Variants in ETNPPL observed in about 807,000 individuals in gnomAD.
ETNPPL encodes the protein ethanolamine-phosphate phospho-lyase, also known as alanine--glyoxylate aminotransferase 2-like 1.
ETNPPL carries 30 observed loss-of-function variants against 55.5 expected under a neutral mutation model. The ratio of observed to expected loss-of-function variants is 0.54; its 90% CI spans 0.40 to 0.73. ETNPPL has a LOEUF of 0.73. ETNPPL is among the 30% of genes least tolerant of loss of function. The probability of loss-of-function intolerance (pLI) is 0.00; values close to 1 mark genes in which losing one functional copy is unlikely to be tolerated. For synonymous variants in ETNPPL, 202 were observed against 207.2 expected, an observed-to-expected ratio of 0.98 and a Z score of 0.21; for missense variants, 528 against 607.9, an observed-to-expected ratio of 0.87 and a Z score of 1.38.
intron 12 of ETNPPL, among the ~76,000 whole-genome samples, chr4:108,743,153 C>T (rs1290246139): frequency 2.0e-5 from 3 of 152,178 alleles, no homozygotes; most frequent in Admixed American, 2.0e-4. Flanking sequence ...TTCCTTTATG[C>T]ATCGAACTCA....
chr4:108,760,125 G>A (rs925028967), intron 2 of ETNPPL, 63 bp downstream of exon 2: 20 of 1,265,734 alleles, frequency 1.6e-5, no homozygotes, highest in Non-Finnish European at 2.2e-5. Context: ...AAAATTAAGT[G>A]TTCCAAGTCA....
intron 11 of ETNPPL, 135 bp from the exon 12 acceptor site, chr4:108,743,991 T>G: frequency 1.6e-6 from 1 of 636,562 alleles, no homozygotes; most frequent in East Asian, 2.8e-5. Context: ...GGCTGGGCGC[T>G]GTGGCTCATG....
At chr4:108,743,601 C>T (rs1222269307) in intron 12 of ETNPPL, among the ~76,000 whole-genome samples, 188 bp downstream of exon 12, 4 of 152,132 alleles carry the variant, frequency 2.6e-5, no homozygotes, top group Non-Finnish European at 5.9e-5. Context: ...GCTTTTGATG[C>T]GTCAAATGAT....
At chr4:108,745,114 T>C (rs906281980) in intron 11 of ETNPPL, among the ~76,000 whole-genome samples, 1 of 152,184 alleles carries the variant, frequency 6.6e-6, no homozygotes, top group Non-Finnish European at 1.5e-5. Context: ...GGTTTTACAG[T>C]GCTAATTTAC....
At chr4:108,755,270 A>T (rs1469085456) in intron 4 of ETNPPL, among the ~76,000 whole-genome samples, 1 of 152,212 alleles carries the variant, frequency 6.6e-6, no homozygotes, top group Non-Finnish European at 1.5e-5. Context: ...GAATGAAACT[A>T]GACTCCTGCC....
At chr4:108,759,573 A>G (rs950799814) in intron 3 of ETNPPL, among the ~76,000 whole-genome samples, 176 bp downstream of exon 3, 5 of 152,172 alleles carry the variant, frequency 3.3e-5, no homozygotes, top group African/African-American at 1.2e-4. Context: ...CAGTCGTAGA[A>G]TAAAGTGGGA....
At chr4:108,759,994 G>GCAAT in intron 2 of ETNPPL, 86 bp from the exon 3 acceptor site, 2 of 1,363,986 alleles carry the variant, frequency 1.5e-6, no homozygotes, top group East Asian at 2.3e-5. Context: ...AAGCAAGCAA[G>GCAAT]CAAACAAACA....
intron 12 of ETNPPL, 83 bp from the exon 13 acceptor site, chr4:108,742,695 A>C (rs556713631): frequency 1.3e-6 from 2 of 1,525,598 alleles, no homozygotes; most frequent in Non-Finnish European, 1.8e-6. Flanking sequence ...GTCCACACAC[A>C]AACAAAGGAC....
chr4:108,750,033 A>C (rs558194149), intron 7 of ETNPPL, among the ~76,000 whole-genome samples: 3 of 152,262 alleles, frequency 2.0e-5, no homozygotes, highest in South Asian at 4.2e-4. Flanking sequence ...ATTACCTTTT[A>C]AGTGGGAAGA....
Position 108,749,228 on chromosome 4 carries a change from C to A in ETNPPL, c.927+10G>T, listed in dbSNP as rs759697686. On this transcript the variant is annotated intron_variant, in intron 8 of 12. Coordinates refer to ENST00000296486, the MANE Select transcript of ETNPPL (RefSeq NM_031279.4). ...CCTTCTTAGCATTAAAGTTGGAGACCAAAATGTACCGTATTAAAATATTCC... is the reference window on the plus strand; with the variant it reads ...CCTTCTTAGCATTAAAGTTGGAGACAAAAATGTACCGTATTAAAATATTCC... 3 of 1,599,024 alleles carry A rather than the reference C, an allele frequency of 1.9e-6. No homozygotes were observed. The highest frequency in any genetic ancestry group is 3.3e-5 in the Admixed American group (2 of 59,746).
chr4:108,751,040 CA>C, intron 6 of ETNPPL, 22 bp from the exon 7 acceptor site: 5 of 1,577,208 alleles, frequency 3.2e-6, no homozygotes, highest in Non-Finnish European at 4.4e-6. Flanking sequence ...AAGATGGTGT[CA>C]AAGTCCATTA....
At chr4:108,756,027 G>A (rs533432767) in intron 4 of ETNPPL, among the ~76,000 whole-genome samples, 16 of 152,292 alleles carry the variant, frequency 1.1e-4, no homozygotes, top group Admixed American at 5.2e-4. Flanking sequence ...TAGTGACTGC[G>A]AATAATCACA....
rs960467954 is a variant in ETNPPL, at chr4:108,752,771, G to A, written c.618+124C>T. ...TTTGAAATTTGAATCAAGTGAAAAC[G>A]TAACTAGAGAAGAACAGAAAGGGAC... On this transcript the variant is annotated intron_variant, in intron 6 of 12. Transcript: ENST00000296486. 8 of 648,070 alleles carry A rather than the reference G, an allele frequency of 1.2e-5. 1 individual carries two copies. In the South Asian group the frequency reaches 1.3e-4, roughly 10 times the overall value. The allele number at this position is 648,070 out of a possible 1,614,324, so 40.1% of individuals were successfully genotyped here.
chr4:108,750,541 T>G (rs1728850267), intron 7 of ETNPPL, among the ~76,000 whole-genome samples: 1 of 145,572 alleles, frequency 6.9e-6, no homozygotes, highest in African/African-American at 2.6e-5. Context: ...ATGTGATATA[T>G]ATACGATATA....
intron 6 of ETNPPL, among the ~76,000 whole-genome samples, chr4:108,751,274 C>T (rs1728900859): frequency 6.6e-6 from 1 of 152,172 alleles, no homozygotes; most frequent in African/African-American, 2.4e-5. Context: ...AGCGCAACTT[C>T]CATTTCTCCA....
At chr4:108,759,725 G>A (rs201233221) in intron 3 of ETNPPL, 24 bp downstream of exon 3, 3 of 1,610,376 alleles carry the variant, frequency 1.9e-6, no homozygotes, top group South Asian at 2.2e-5. Flanking sequence ...GGAATGGGGA[G>A]GGGTGGGAAA....
rs2125667936 is a variant in ETNPPL at position 108,742,415 on chromosome 4, AC to A, written c.*68del. ...CTTTAGAGGTATAATAGAGCTATTA[AC>A]CGATGAGACACATCTACTCATTCTC... On this transcript the variant is annotated 3_prime_UTR_variant, in exon 13 of 13. Transcript: ENST00000296486. The A allele has an allele frequency of 6.6e-7, 1 of 1,525,188 alleles. No homozygotes were observed. The highest frequency in any genetic ancestry group is 1.4e-5 in the African/African-American group (1 of 73,454). The allele number at this position is 1,525,188 out of a possible 1,614,324, so 94.5% of individuals were successfully genotyped here.
At chr4:108,747,984 A>G (rs1415142544) in intron 9 of ETNPPL, 21 bp downstream of exon 9, 1 of 1,591,110 alleles carries the variant, frequency 6.3e-7, no homozygotes, top group Non-Finnish European at 8.6e-7. Flanking sequence ...TAACTACATG[A>G]CAACTTCATA....
At chr4:108,750,524 GTA>G (rs1491577150) in intron 7 of ETNPPL, among the ~76,000 whole-genome samples, 1 of 139,050 alleles carries the variant, frequency 7.2e-6, no homozygotes, top group Non-Finnish European at 1.6e-5. Context: ...GTGTGTGTGT[GTA>G]TGATATGTGA....
Sources: gnomAD v4.1 joint callset for allele counts (sites outside exome capture counted in the v4.1 genomes callset) on GRCh38, gnomAD v4.1.1 for gene constraint, MANE v1.5 for transcripts, NCBI Gene and HGNC (gene_info 2026-07-23, HGNC 2026-07-21) for gene names.